Variants in RNF175 observed in about 807,000 individuals in gnomAD.
RNF175 encodes the protein ring finger protein 175.
In RNF175, 38 loss-of-function variants were observed where a neutral mutation model predicts 50.0. The ratio of observed to expected loss-of-function variants is 0.76; its 90% CI spans 0.59 to 1.00. RNF175 has a LOEUF of 1.00. Ranked by LOEUF, RNF175 falls within the 50% of genes least tolerant of loss-of-function variation. RNF175 has a pLI of 0.00. For missense variants in RNF175, 388 were observed against 409.6 expected (o/e 0.95, Z 0.46); for synonymous variants, 155 against 146.1 (o/e 1.06, Z -0.44).
At chr4:153,752,855 G>A (rs1740361705) in intron 1 of RNF175, among the ~76,000 whole-genome samples, 1 of 152,056 alleles carries the variant, frequency 6.6e-6, no homozygotes, top group African/African-American at 2.4e-5. Flanking sequence ...ACATGAATGA[G>A]AAATTCACGA....
At chr4:153,753,605 T>G (rs1740408090) in intron 1 of RNF175, among the ~76,000 whole-genome samples, 1 of 151,614 alleles carries the variant, frequency 6.6e-6, no homozygotes, top group South Asian at 2.1e-4. Context: ...TCGCCCAGGC[T>G]AGAGTGCAAT....
intron 2 of RNF175, 150 bp downstream of exon 2, chr4:153,751,288 A>G: frequency 1.6e-6 from 1 of 635,638 alleles, no homozygotes; most frequent in Non-Finnish European, 2.8e-6. Flanking sequence ...AAATCCATGC[A>G]TTTTGGTCTG....
chr4:153,729,342 C>T (rs6835640), intron 3 of RNF175, among the ~76,000 whole-genome samples: 41,361 of 152,106 alleles, frequency 0.27, 6,391 homozygotes, highest in East Asian at 0.8. Context: ...GATCCTGGTT[C>T]AGTGGTAGAG....
At chr4:153,735,915 C>A (rs1182533649) in intron 3 of RNF175, among the ~76,000 whole-genome samples, 1 of 152,202 alleles carries the variant, frequency 6.6e-6, no homozygotes, top group Non-Finnish European at 1.5e-5. Flanking sequence ...TCCATATAGA[C>A]AATCATGTAA....
chr4:153,719,405 A>C (rs11945694), intron 6 of RNF175, among the ~76,000 whole-genome samples: 45,830 of 152,018 alleles, frequency 0.3, 7,296 homozygotes, highest in South Asian at 0.47. Flanking sequence ...TCTACTTCAC[A>C]TCTGGCTGTG....
Position 153,712,519 on chromosome 4 carries a change from A to G in RNF175, c.822T>C (p.Pro274=), listed in dbSNP as rs543021162. The G allele has an allele frequency of 1.2e-6, 2 of 1,613,226 alleles. No individual in the cohort carries two copies. The highest frequency in any genetic ancestry group is 1.3e-5 in the African/African-American group (1 of 75,050). The change falls in exon 8 of 9, where the codon CCT becomes CCC. Residue 274 remains proline, a synonymous_variant. Coordinates refer to ENST00000347063, the MANE Select transcript of RNF175 (RefSeq NM_173662.4). Reference sequence around the variant, plus strand: ...TCAAATCAACTTTCTCTTTGCAGTAAGGGCAAGTCTGCTTTTTCCCAACGA... The same window carrying G: ...TCAAATCAACTTTCTCTTTGCAGTAGGGGCAAGTCTGCTTTTTCCCAACGA... ...WCIVGKKQTC[P]YCKEKVDLKR... is the part of the protein sequence containing the mutation.
At chr4:153,756,331 C>T (rs1381771859) in intron 1 of RNF175, among the ~76,000 whole-genome samples, 1 of 152,010 alleles carries the variant, frequency 6.6e-6, no homozygotes, top group Admixed American at 6.6e-5. Context: ...CCACTTGGGA[C>T]TCTCTCTCTC....
At chr4:153,748,944 A>T (rs1740145032) in intron 2 of RNF175, 158 bp from the exon 3 acceptor site, 2 of 619,760 alleles carry the variant, frequency 3.2e-6, no homozygotes, top group Non-Finnish European at 5.3e-6. Context: ...TTGATTGTAA[A>T]GTTTTTCTAA....
chr4:153,728,832 AG>A (rs1161754640), intron 3 of RNF175, among the ~76,000 whole-genome samples: 1 of 152,212 alleles, frequency 6.6e-6, no homozygotes, highest in Non-Finnish European at 1.5e-5. Flanking sequence ...TCCATACGAA[AG>A]TGACAGCAAT....
At chr4:153,757,939 T>C (rs954724557) in intron 1 of RNF175, among the ~76,000 whole-genome samples, 1 of 152,162 alleles carries the variant, frequency 6.6e-6, no homozygotes, top group East Asian at 1.9e-4. Context: ...CATTTATTCA[T>C]TCAATAAATA....
At chr4:153,715,498 A>G (rs1218945419) in intron 7 of RNF175, 31 bp downstream of exon 7, 1 of 1,556,638 alleles carries the variant, frequency 6.4e-7, no homozygotes, top group Non-Finnish European at 8.7e-7. Flanking sequence ...AGGCTTGATG[A>G]AGCCCAAACA....
chr4:153,743,552 AACTT>A (rs1739799014), intron 3 of RNF175, among the ~76,000 whole-genome samples: 1 of 152,112 alleles, frequency 6.6e-6, no homozygotes, highest in South Asian at 2.1e-4. Flanking sequence ...TGGTGGGGGC[AACTT>A]TATGCAGGCT....
chr4:153,720,374 T>A, intron 5 of RNF175, 70 bp from the exon 6 acceptor site: 1 of 1,371,510 alleles, frequency 7.3e-7, no homozygotes, highest in Admixed American at 1.8e-5. Context: ...TTGGAAAATA[T>A]TTCCTGTTGA....
In RNF175 at chr4:153,759,787, G is replaced by A; in HGVS notation, c.66+10C>T. ...TGGCGTCCCCCACGCCCGCGCCCCC[G>A]CGCCAGTACCTGCTCCTGCTGCGGG... On this transcript the variant is annotated intron_variant, in intron 1 of 8. Transcript: ENST00000347063. 2 of 1,474,984 alleles carry A rather than the reference G, an allele frequency of 1.4e-6. No individual in the cohort carries two copies. The highest frequency in any genetic ancestry group is 2.3e-4 in the Middle Eastern group (1 of 4,266). 91.4% of individuals were successfully genotyped at this position (1,474,984 alleles called of 1,614,324 possible).
chr4:153,710,630 T>C, intron 8 of RNF175, 141 bp from the exon 9 acceptor site: 3 of 758,916 alleles, frequency 4.0e-6, no homozygotes, highest in Non-Finnish European at 6.3e-6. Flanking sequence ...TAAAAGCCCC[T>C]TATGTGAGTT....
intron 3 of RNF175, among the ~76,000 whole-genome samples, chr4:153,745,032 TG>T (rs1366894985): frequency 6.6e-6 from 1 of 152,202 alleles, no homozygotes; most frequent in Non-Finnish European, 1.5e-5. Flanking sequence ...AATAATATAT[TG>T]GTCTAAGTCA....
rs1228642828 is a variant in RNF175, at chr4:153,710,201, A to G, written c.*168T>C. 1.9e-6 allele frequency: 1 copy of G among 531,824 alleles called. No individual in the cohort carries two copies. Among genetic ancestry groups the G allele is most frequent in the East Asian group, 3.0e-5 (1 of 32,954 alleles). The allele number at this position is 531,824 out of a possible 1,614,324, so 32.9% of individuals were successfully genotyped here. A position where few individuals can be genotyped will look rare whatever the true frequency, so the allele number is the denominator to read the frequency against. On this transcript the variant is annotated 3_prime_UTR_variant, in exon 9 of 9. Transcript: ENST00000347063. ...AAAACATGCTTTATTTGTTTATTCC[A>G]TTGTTCAGCTTCTCTTTAAATTCTT...
At chr4:153,733,099 C>A (rs1739135023) in intron 3 of RNF175, among the ~76,000 whole-genome samples, 1 of 152,158 alleles carries the variant, frequency 6.6e-6, no homozygotes, top group Non-Finnish European at 1.5e-5. Context: ...CTCCTACAGA[C>A]CGCAGAACAT....
intron 3 of RNF175, among the ~76,000 whole-genome samples, chr4:153,737,984 T>G (rs1199723656): frequency 2.6e-5 from 4 of 152,266 alleles, no homozygotes; most frequent in Non-Finnish European, 5.9e-5. Context: ...TGCTCTTTTG[T>G]TAGATGCATA....
Sources: allele counts gnomAD v4.1 joint callset (sites outside exome capture counted in the v4.1 genomes callset), GRCh38; gene constraint gnomAD v4.1.1; transcripts MANE v1.5; gene names NCBI Gene and HGNC (gene_info 2026-07-23, HGNC 2026-07-21).